Variants in GLIS3 observed in about 807,000 individuals in gnomAD.
GLIS3 encodes zinc finger protein GLIS3.
GLIS3 carries 53 observed loss-of-function variants against 78.6 expected under a neutral mutation model. The observed-to-expected ratio is 0.67, with a 90% CI of 0.54 to 0.85. GLIS3 has a LOEUF of 0.85. Ranked by LOEUF, GLIS3 falls within the 40% of genes least tolerant of loss-of-function variation. GLIS3 has a pLI of 0.00. For missense variants in GLIS3, 1,703 were observed against 1,231.1 expected, an observed-to-expected ratio of 1.38 and a Z score of -5.74; for synonymous variants, 684 against 509.9, an observed-to-expected ratio of 1.34 and a Z score of -4.60.
chr9:4,385,757 GAAAGAA>G, the GLIS3 span, among the ~76,000 whole-genome samples: 4 of 24,096 alleles, frequency 1.7e-4, 1 homozygote, highest in Non-Finnish European at 3.3e-4. Context: ...AAGAAAGAAA[GAAAGAA>G]AGAAAGAAAG....
chr9:4,243,272 G>T (rs1823487458), intron 2 of GLIS3, among the ~76,000 whole-genome samples: 1 of 152,228 alleles, frequency 6.6e-6, no homozygotes, highest in Admixed American at 6.5e-5. Flanking sequence ...GGAAGAGGAA[G>T]TGGCCAGAAA....
At chr9:3,945,841 GAGAA>G (rs1554652691) in intron 4 of GLIS3, among the ~76,000 whole-genome samples, 1 of 152,074 alleles carries the variant, frequency 6.6e-6, no homozygotes, top group Non-Finnish European at 1.5e-5. Flanking sequence ...AAAAAACAGA[GAGAA>G]AGAGACACTA....
At chr9:4,223,688 C>T (rs2131339888) in intron 2 of GLIS3, among the ~76,000 whole-genome samples, 1 of 152,298 alleles carries the variant, frequency 6.6e-6, no homozygotes, top group South Asian at 2.1e-4. Flanking sequence ...CTGAAACTCC[C>T]TTAGGCTTCT....
chr9:3,991,432 A>T (rs1411804972), intron 4 of GLIS3, among the ~76,000 whole-genome samples: 1 of 152,216 alleles, frequency 6.6e-6, no homozygotes, highest in African/African-American at 2.4e-5. Context: ...TGAATCAATT[A>T]AAAAACCTGG....
At chr9:4,184,960 A>C (rs1025973548) in intron 2 of GLIS3, among the ~76,000 whole-genome samples, 2 of 152,206 alleles carry the variant, frequency 1.3e-5, no homozygotes, top group East Asian at 3.8e-4. Context: ...AAAAACAACA[A>C]ATTTATTGAG....
the GLIS3 span, among the ~76,000 whole-genome samples, chr9:4,361,891 T>G: frequency 6.6e-6 from 1 of 152,192 alleles, no homozygotes. Flanking sequence ...AATTGAAGTT[T>G]GTATGTTGTT....
chr9:3,879,368 G>A (rs1821564164), intron 8 of GLIS3, 59 bp downstream of exon 8: 1 of 1,522,048 alleles, frequency 6.6e-7, no homozygotes. Flanking sequence ...CAAGGCACTT[G>A]TCTGTGAAGG....
At chr9:4,150,122 C>A (rs1834555462) in intron 2 of GLIS3, among the ~76,000 whole-genome samples, 1 of 152,088 alleles carries the variant, frequency 6.6e-6, no homozygotes, top group South Asian at 2.1e-4. Context: ...AAGAGCTTCC[C>A]CAGAGAAGCA....
At chr9:4,314,124 T>C (rs1817404520) in intron 2 of GLIS3, among the ~76,000 whole-genome samples, 1 of 152,170 alleles carries the variant, frequency 6.6e-6, no homozygotes, top group Non-Finnish European at 1.5e-5. Flanking sequence ...TCAGCAGCAA[T>C]GTGGGAATAG....
intron 8 of GLIS3, among the ~76,000 whole-genome samples, chr9:3,876,788 A>G (rs1277844048): frequency 6.7e-6 from 1 of 149,178 alleles, no homozygotes; most frequent in Non-Finnish European, 1.5e-5. Flanking sequence ...TATTCTTGCC[A>G]TTCTTTATAT....
the GLIS3 span, among the ~76,000 whole-genome samples, chr9:4,463,448 C>G: frequency 1.3e-5 from 2 of 152,158 alleles, no homozygotes; most frequent in Non-Finnish European, 2.9e-5. Context: ...TTATGCTCCC[C>G]CAGGCCCTGA....
chr9:3,959,659 T>A (rs957503683), intron 4 of GLIS3, among the ~76,000 whole-genome samples: 10 of 152,168 alleles, frequency 6.6e-5, no homozygotes, highest in African/African-American at 2.2e-4. Flanking sequence ...GCCTTTCACA[T>A]GCCATTCCCT....
At chr9:4,307,668 A>T (rs540152279) in intron 4 of GLIS3, among the ~76,000 whole-genome samples, 1 of 152,320 alleles carries the variant, frequency 6.6e-6, no homozygotes, top group South Asian at 2.1e-4. Context: ...AAGTAGGGAG[A>T]CTATCCTGGA....
chr9:4,345,988 G>C (rs1169699036), intron 2 of GLIS3, among the ~76,000 whole-genome samples: 2 of 152,168 alleles, frequency 1.3e-5, no homozygotes, highest in African/African-American at 4.8e-5. Context: ...GTTCGAGTGG[G>C]AGATTCTAAT....
At chr9:4,302,607 T>A (rs922761789), upstream of GLIS3, among the ~76,000 whole-genome samples, 2 of 152,212 alleles carry the variant, frequency 1.3e-5, no homozygotes, top group Non-Finnish European at 2.9e-5. Context: ...CTATGAATAA[T>A]CTCCTACTTA....
the GLIS3 span, among the ~76,000 whole-genome samples, chr9:4,448,341 G>C: frequency 6.6e-6 from 1 of 152,160 alleles, no homozygotes; most frequent in East Asian, 1.9e-4. Context: ...ACCCAGCCTA[G>C]CCACTCAGGC....
chr9:4,284,744 CAAAAA>C (rs796997240), intron 2 of GLIS3, among the ~76,000 whole-genome samples: 1 of 124,020 alleles, frequency 8.1e-6, no homozygotes, highest in Non-Finnish European at 1.7e-5. Context: ...AATCCTGTCT[CAAAAA>C]AAAAAAAAGA....
chr9:3,878,427 GAAGA>G (rs1346888485), intron 8 of GLIS3, among the ~76,000 whole-genome samples: 2 of 152,102 alleles, frequency 1.3e-5, no homozygotes, highest in African/African-American at 4.8e-5. Context: ...ATTGATAAAG[GAAGA>G]AAGTCATAAA....
At chr9:4,038,334 A>T (rs757823605) in intron 4 of GLIS3, among the ~76,000 whole-genome samples, 2 of 152,234 alleles carry the variant, frequency 1.3e-5, no homozygotes, top group Non-Finnish European at 2.9e-5. Flanking sequence ...ACACAGAGGG[A>T]AACCTCTAAT....
Sources: allele counts gnomAD v4.1 joint callset (sites outside exome capture counted in the v4.1 genomes callset), GRCh38; gene constraint gnomAD v4.1.1; transcripts MANE v1.5; gene names NCBI Gene and HGNC (gene_info 2026-07-23, HGNC 2026-07-21).